MTMR9: variants seen among roughly 807,000 people sequenced by gnomAD.
The protein encoded by MTMR9 is myotubularin-related protein 9.
In MTMR9, 39 loss-of-function variants were observed where a neutral mutation model predicts 69.5. That is an observed-to-expected ratio of 0.56 (90% CI 0.43 to 0.73). The LOEUF (loss-of-function observed/expected upper bound fraction) is 0.73. Among genes scored for constraint, MTMR9 ranks in the 30% least tolerant of loss-of-function variants. The probability of loss-of-function intolerance (pLI) is 0.00; values close to 1 mark genes in which losing one functional copy is unlikely to be tolerated. For synonymous variants in MTMR9, 354 were observed against 240.8 expected (o/e 1.47, Z -4.35); for missense variants, 900 against 671.2 (o/e 1.34, Z -3.77).
intron 6 of MTMR9, among the ~76,000 whole-genome samples, chr8:11,312,594 C>G (rs1800248131): frequency 6.6e-6 from 1 of 152,184 alleles, no homozygotes; most frequent in Admixed American, 6.5e-5. Context: ...TTATGCCCCT[C>G]AAAGTATCCA....
intron 3 of MTMR9, among the ~76,000 whole-genome samples, chr8:11,301,568 A>G (rs866333943): frequency 6.6e-6 from 1 of 152,242 alleles, no homozygotes; most frequent in Non-Finnish European, 1.5e-5. Context: ...AAAGCACAGG[A>G]GAAAATCTTT....
intron 8 of MTMR9, chr8:11,318,437 A>T (rs1172964696): frequency 6.6e-6 from 1 of 152,202 alleles, no homozygotes; most frequent in Non-Finnish European, 1.5e-5. Flanking sequence ...GATTATTTTT[A>T]TTGCTAGCTC....
intron 1 of MTMR9, among the ~76,000 whole-genome samples, chr8:11,290,324 T>C (rs1333233359): frequency 6.6e-6 from 1 of 152,188 alleles, no homozygotes; most frequent in East Asian, 1.9e-4. Flanking sequence ...GTCCTTCTCA[T>C]GTTGATTTGC....
chr8:11,298,781 G>A lies in MTMR9; in HGVS notation c.292-1242G>A, dbSNP rs544926747. The A allele has an allele frequency of 1.8e-5, 17 of 970,100 alleles. No individual in the cohort carries two copies. The East Asian group carries it at 1.8e-3, about 101-fold the overall frequency. The allele number at this position is 970,100 out of a possible 1,614,324, so 60.1% of individuals were successfully genotyped here. On this transcript the variant is annotated intron_variant, in intron 2 of 9. Coordinates refer to ENST00000221086, the MANE Select transcript of MTMR9 (RefSeq NM_015458.4). ...TCCATAATCCCCCTGTGAGAAGGATGAATCTGCCTAGTGATAGAGACTTTC... is the reference window on the plus strand; with the variant it reads ...TCCATAATCCCCCTGTGAGAAGGATAAATCTGCCTAGTGATAGAGACTTTC...
rs1401572111 is a variant in MTMR9, at chr8:11,306,213, A to G, written c.615A>G (p.Pro205=). 2.5e-6 allele frequency: 4 copies of G among 1,613,118 alleles called. No homozygotes were observed. Among genetic ancestry groups the G allele is most frequent in the African/African-American group, 1.3e-5 (1 of 74,884 alleles). Residue 205 remains proline, a synonymous_variant, in exon 5 of 10, where the codon CCA becomes CCG. Coordinates refer to ENST00000221086, the MANE Select transcript of MTMR9 (RefSeq NM_015458.4). ...NGMVIMRSGQ[P]LTGTNGRRCK... ...AGGTAATTATGCGAAGTGGTCAGCCACTCACTGGTACAAACGGGAGGAGGT... is the reference window on the plus strand; with the variant it reads ...AGGTAATTATGCGAAGTGGTCAGCCGCTCACTGGTACAAACGGGAGGAGGT...
In MTMR9 at chr8:11,327,921, C is replaced by T. The variant is rs1432417922; in HGVS notation, c.*5133C>T. The T allele has an allele frequency of 6.6e-6, 1 of 152,088 alleles. No individual in the cohort carries two copies. The highest frequency in any genetic ancestry group is 1.5e-5 in the Non-Finnish European group (1 of 68,006). 9.4% of individuals were successfully genotyped at this position (152,088 alleles called of 1,614,324 possible). A position where few individuals can be genotyped will look rare whatever the true frequency, so the allele number is the denominator to read the frequency against. On this transcript the variant is annotated 3_prime_UTR_variant, in exon 10 of 10. Coordinates refer to ENST00000221086, the MANE Select transcript of MTMR9 (RefSeq NM_015458.4). Reference sequence around the variant, plus strand: ...TGTAATATTCACTAGGTGATAATTTCCCCTGTACCCTATAACTGTAATCAT... The same window carrying T: ...TGTAATATTCACTAGGTGATAATTTTCCCTGTACCCTATAACTGTAATCAT...
rs1800842358 is a variant in MTMR9, at chr8:11,324,630, A to G, written c.*1842A>G. 6.6e-6 allele frequency: 1 copy of G among 151,848 alleles called. No individual in the cohort carries two copies. Among genetic ancestry groups the G allele is most frequent in the Non-Finnish European group, 1.5e-5 (1 of 67,980 alleles). 9.4% of individuals were successfully genotyped at this position (151,848 alleles called of 1,614,324 possible). A position where few individuals can be genotyped will look rare whatever the true frequency, so the allele number is the denominator to read the frequency against. ...TTCTCTTTTTGTCTCAAGATTGTAT[A>G]TGAAGGAGGCTTTTCTTCTCAGCTA... is the stretch of plus-strand genomic sequence containing the variant. On this transcript the variant is annotated 3_prime_UTR_variant, in exon 10 of 10. Transcript: ENST00000221086.
rs537837884 is a variant in MTMR9, at chr8:11,327,015, C to A, written c.*4227C>A. On this transcript the variant is annotated 3_prime_UTR_variant, in exon 10 of 10. Coordinates refer to ENST00000221086, the MANE Select transcript of MTMR9 (RefSeq NM_015458.4). ...ACTCATTTATCCATTTACATTTATT[C>A]TCAGATGATAAAATATATACTGATA... 7 of 149,112 alleles carry A rather than the reference C, an allele frequency of 4.7e-5. No homozygotes were observed. Among genetic ancestry groups the A allele is most frequent in the African/African-American group, 1.7e-4 (7 of 40,748 alleles). 9.2% of individuals were successfully genotyped at this position (149,112 alleles called of 1,614,324 possible). A position where few individuals can be genotyped will look rare whatever the true frequency, so the allele number is the denominator to read the frequency against.
rs776014434 is a variant in MTMR9 at position 11,304,947 on chromosome 8, A to G, written c.524A>G (p.Lys175Arg). 1.1e-5 allele frequency: 18 copies of G among 1,614,012 alleles called. No homozygotes were observed. In the East Asian group the frequency reaches 4.0e-4, roughly 36 times the overall value. The change falls in exon 4 of 10, where the codon AAG becomes AGG. Residue 175 changes from lysine (K) to arginine (R), a missense_variant. Coordinates refer to ENST00000221086, the MANE Select transcript of MTMR9 (RefSeq NM_015458.4). ...PKSIDDEALR[K>R]VATFRHGGRF... ...TCCATCGATGATGAAGCTCTTCGGA[A>G]GGTAGCTACATTTCGACATGGAGGG...
chr8:11,328,861 A>T (rs1337507242), downstream of MTMR9, among the ~76,000 whole-genome samples: 1 of 152,258 alleles, frequency 6.6e-6, no homozygotes, highest in Non-Finnish European at 1.5e-5. Flanking sequence ...ATCCATCCAG[A>T]AACAGCACCA....
At chr8:11,303,193 A>G (rs943139877) in intron 3 of MTMR9, among the ~76,000 whole-genome samples, 1 of 148,140 alleles carries the variant, frequency 6.8e-6, no homozygotes, top group Non-Finnish European at 1.5e-5. Context: ...GGCCTACTAG[A>G]TACCAAACTT....
At chr8:11,330,084 C>T (rs1040507096), downstream of MTMR9, among the ~76,000 whole-genome samples, 12 of 149,742 alleles carry the variant, frequency 8.0e-5, no homozygotes, top group South Asian at 2.1e-4. Context: ...GCCTGGCAGC[C>T]GCCCCATCCG....
chr8:11,301,144 A>C (rs1799733724), intron 3 of MTMR9, among the ~76,000 whole-genome samples: 1 of 152,172 alleles, frequency 6.6e-6, no homozygotes, highest in African/African-American at 2.4e-5. Context: ...TTAAAATTCT[A>C]ATAGGTGTTT....
intron 8 of MTMR9, chr8:11,319,059 A>G (rs1465874330): frequency 1.3e-5 from 2 of 152,198 alleles, no homozygotes; most frequent in African/African-American, 4.8e-5. Flanking sequence ...GTAACCAAAT[A>G]CCACCTGTTC....
At chr8:11,335,621 T>C in the MTMR9 span, among the ~76,000 whole-genome samples, 1 of 152,154 alleles carries the variant, frequency 6.6e-6, no homozygotes, top group Non-Finnish European at 1.5e-5. Context: ...AAGAACAAAG[T>C]TGAGGACTGA....
At position 11,284,909 on chromosome 8, in the gene MTMR9, T is replaced by G; in HGVS notation, c.21T>G (p.Ile7Met). The G allele has an allele frequency of 6.2e-7, 1 of 1,610,918 alleles. No homozygotes were observed. The highest frequency in any genetic ancestry group is 8.5e-7 in the Non-Finnish European group (1 of 1,178,608). MEFAELIKTPRVDNVVL... is the reference protein window; with the variant it reads MEFAELMKTPRVDNVVL... ...GGAGCATGGAGTTTGCGGAGCTGATTAAGACCCCGCGGGTGGACAATGTGG... is the reference window on the plus strand; with the variant it reads ...GGAGCATGGAGTTTGCGGAGCTGATGAAGACCCCGCGGGTGGACAATGTGG... The change falls in exon 1 of 10, where the codon ATT (isoleucine) becomes ATG (methionine). Residue 7 changes from isoleucine (I) to methionine (M), a missense_variant. Transcript: ENST00000221086.
chr8:11,338,675 C>G, the MTMR9 span, among the ~76,000 whole-genome samples: 18 of 152,088 alleles, frequency 1.2e-4, no homozygotes, highest in Non-Finnish European at 2.6e-4. Context: ...AAAATATGAT[C>G]AAGAATGGGT....
At chr8:11,321,585 G>T (rs938137844) in intron 9 of MTMR9, 2 of 447,780 alleles carry the variant, frequency 4.5e-6, no homozygotes, top group Admixed American at 4.7e-5. Context: ...TGTGTTTCAT[G>T]CTCCTCAACC....
chr8:11,319,753 G>A lies in MTMR9; in HGVS notation c.1401G>A (p.Leu467=). Residue 467 remains leucine (L), a synonymous_variant, in exon 9 of 10, where the codon CTG becomes CTA. Transcript: ENST00000221086. ...CCTGGGTTAATCAGCCCAGTGAGCT[G>A]AGTAAATTCACCAATCCCCTCTTTG... ...LWSWVNQPSE[L]SKFTNPLFEA... The A allele has an allele frequency of 1.9e-6, 3 of 1,614,186 alleles. No homozygotes were observed. The East Asian group carries it at 6.7e-5, about 36-fold the overall frequency.
Sources: allele counts gnomAD v4.1 joint callset (sites outside exome capture counted in the v4.1 genomes callset), GRCh38; gene constraint gnomAD v4.1.1; transcripts MANE v1.5; gene names NCBI Gene and HGNC (gene_info 2026-07-23, HGNC 2026-07-21).